TBC1D32: variants seen among roughly 807,000 people sequenced by gnomAD.
TBC1D32 encodes the protein TBC1 domain family member 32.
Under a neutral mutation model 170.3 loss-of-function variants are expected in TBC1D32, and 151 were observed. The ratio of observed to expected loss-of-function variants is 0.89; its 90% CI spans 0.78 to 1.01. The LOEUF (loss-of-function observed/expected upper bound fraction) is 1.01, where lower values mean the gene tolerates loss of function less well. TBC1D32 is among the 50% of genes least tolerant of loss of function. The probability of loss-of-function intolerance (pLI) is 0.00; values close to 1 mark genes in which losing one functional copy is unlikely to be tolerated. For missense variants in TBC1D32, 1,464 were observed against 1,457.1 expected (o/e 1.00, Z -0.08); for synonymous variants, 498 against 488.0 (o/e 1.02, Z -0.27).
rs1163308962 is a variant in TBC1D32, at chr6:121,283,864, G to C, written c.1419C>G (p.Ile473Met). The C allele has an allele frequency of 1.2e-6, 2 of 1,611,418 alleles. No individual in the cohort carries two copies. Among genetic ancestry groups the C allele is most frequent in the African/African-American group, 1.3e-5 (1 of 74,944 alleles). ...TCTTTGGACAACTTGGTGAGTAATAGATAAGTTGGGTAAAAAGAACAAGCA... is the reference window on the plus strand; with the variant it reads ...TCTTTGGACAACTTGGTGAGTAATACATAAGTTGGGTAAAAAGAACAAGCA... The part of the protein sequence containing the change: ...IDLLVLFTQL[I>M]YYSPSCPKMT... Residue 473 changes from isoleucine (I) to methionine (M), a missense_variant, in exon 13 of 32, where the codon ATC becomes ATG. Transcript: ENST00000398212.
intron 15 of TBC1D32, among the ~76,000 whole-genome samples, chr6:121,267,769 T>C (rs1800743740): frequency 6.6e-6 from 1 of 152,044 alleles, no homozygotes; most frequent in South Asian, 2.1e-4. Flanking sequence ...GAGTAGTGGT[T>C]CTCCCTCTCT....
At chr6:121,267,124 T>G (rs1800620491) in intron 15 of TBC1D32, among the ~76,000 whole-genome samples, 1 of 140,000 alleles carries the variant, frequency 7.1e-6, no homozygotes, top group Admixed American at 6.8e-5. Context: ...CAATGTGCTC[T>G]TCTAAAAAAA....
rs1024357697 is a variant in TBC1D32 at position 121,079,919 on chromosome 6, T to G, written c.*852A>C. Reference sequence around the variant, plus strand: ...TCATTTCAAACAAAGAATTATAAATTGATATGGGTATCAAAAGCAACTCCT... The same window carrying G: ...TCATTTCAAACAAAGAATTATAAATGGATATGGGTATCAAAAGCAACTCCT... On this transcript the variant is annotated 3_prime_UTR_variant, in exon 32 of 32. Coordinates refer to ENST00000398212, the MANE Select transcript of TBC1D32 (RefSeq NM_152730.6). 6.6e-6 allele frequency: 1 copy of G among 152,188 alleles called. No homozygotes were observed. Among genetic ancestry groups the G allele is most frequent in the Non-Finnish European group, 1.5e-5 (1 of 68,030 alleles). 9.4% of individuals were successfully genotyped at this position (152,188 alleles called of 1,614,324 possible).
chr6:121,098,289 T>C (rs1051107030), intron 30 of TBC1D32, among the ~76,000 whole-genome samples: 5 of 151,920 alleles, frequency 3.3e-5, no homozygotes, highest in Non-Finnish European at 7.4e-5. Flanking sequence ...AAAATAGGTA[T>C]GATTTATAAA....
intron 24 of TBC1D32, among the ~76,000 whole-genome samples, chr6:121,148,716 C>T: frequency 6.6e-6 from 1 of 152,080 alleles, no homozygotes; most frequent in East Asian, 1.9e-4. Flanking sequence ...CAGGTTGCAG[C>T]AATTCTCCTG....
At chr6:121,267,438 C>A (rs114127942) in intron 15 of TBC1D32, among the ~76,000 whole-genome samples, 2 of 152,260 alleles carry the variant, frequency 1.3e-5, no homozygotes, top group South Asian at 4.1e-4. Flanking sequence ...ACTTTTCCAA[C>A]GGTCTTAGCA....
At chr6:121,210,626 T>A (rs1202472618) in intron 21 of TBC1D32, among the ~76,000 whole-genome samples, 1 of 152,124 alleles carries the variant, frequency 6.6e-6, no homozygotes, top group Non-Finnish European at 1.5e-5. Flanking sequence ...GTGAAGGAAT[T>A]TTTGCAGATG....
chr6:121,127,446 T>C (rs1014300219), intron 25 of TBC1D32, among the ~76,000 whole-genome samples: 1 of 152,148 alleles, frequency 6.6e-6, no homozygotes, highest in Admixed American at 6.5e-5. Flanking sequence ...GTTGAATAAG[T>C]ATTAAAAGTA....
chr6:121,328,372 G>A (rs990750140), intron 1 of TBC1D32, among the ~76,000 whole-genome samples: 4 of 151,616 alleles, frequency 2.6e-5, no homozygotes, highest in Admixed American at 6.6e-5. Context: ...TGCAAGCTCC[G>A]CCTCCCAGGT....
intron 12 of TBC1D32, 142 bp from the exon 13 acceptor site, chr6:121,284,052 CAGAT>C (rs1464430123): frequency 4.7e-6 from 3 of 634,094 alleles, no homozygotes; most frequent in South Asian, 4.0e-5. Flanking sequence ...GCTATAATCT[CAGAT>C]AGAAGACTCC....
At chr6:121,084,667 T>C (rs1776002575) in intron 31 of TBC1D32, among the ~76,000 whole-genome samples, 1 of 152,154 alleles carries the variant, frequency 6.6e-6, no homozygotes. Flanking sequence ...CAGTTGATGT[T>C]TGCAAAAATA....
intron 21 of TBC1D32, among the ~76,000 whole-genome samples, chr6:121,210,607 A>C: frequency 6.6e-6 from 1 of 152,212 alleles, no homozygotes; most frequent in East Asian, 1.9e-4. Context: ...CACAAATGCA[A>C]GCACTGCTGT....
intron 9 of TBC1D32, among the ~76,000 whole-genome samples, chr6:121,301,569 G>A (rs11970026): frequency 0.049 from 7,498 of 152,030 alleles, 628 homozygotes; most frequent in African/African-American, 0.17. Context: ...GATAGCATTA[G>A]GAAAAATACC....
chr6:121,121,810 C>T (rs1780298748), intron 26 of TBC1D32, among the ~76,000 whole-genome samples: 3 of 151,690 alleles, frequency 2.0e-5, no homozygotes, highest in Admixed American at 2.0e-4. Flanking sequence ...CAAAAACAAC[C>T]CTAAAGAAAT....
chr6:121,215,967 T>C (rs1045875197), intron 21 of TBC1D32, among the ~76,000 whole-genome samples: 9 of 152,216 alleles, frequency 5.9e-5, no homozygotes, highest in Admixed American at 1.3e-4. Context: ...CAGCGATAAA[T>C]AGAACTACCA....
At position 121,080,372 on chromosome 6, in the gene TBC1D32, C is replaced by G. The variant is rs1354706700; in HGVS notation, c.*399G>C. ...AGCAGGGACTACAGGCGCATCACTG[C>G]ACCCAGCTAATTTCAGTATTGTTAG... is the stretch of plus-strand genomic sequence containing the variant. On this transcript the variant is annotated 3_prime_UTR_variant, in exon 32 of 32. Coordinates refer to ENST00000398212, the MANE Select transcript of TBC1D32 (RefSeq NM_152730.6). 8.5e-6 allele frequency: 3 copies of G among 350,926 alleles called. No homozygotes were observed. Among genetic ancestry groups the G allele is most frequent in the African/African-American group, 4.4e-5 (2 of 45,510 alleles). 21.7% of individuals were successfully genotyped at this position (350,926 alleles called of 1,614,324 possible).
At chr6:121,132,613 T>C (rs1745934476) in intron 24 of TBC1D32, among the ~76,000 whole-genome samples, 1 of 151,976 alleles carries the variant, frequency 6.6e-6, no homozygotes, top group African/African-American at 2.4e-5. Flanking sequence ...TAATCTGTTA[T>C]TTCAGTTTAA....
chr6:121,113,901 C>T (rs2128199189), intron 27 of TBC1D32, among the ~76,000 whole-genome samples: 1 of 152,204 alleles, frequency 6.6e-6, no homozygotes, highest in Non-Finnish European at 1.5e-5. Context: ...TTTAAAGAGA[C>T]TTGGTGGCTC....
intron 17 of TBC1D32, among the ~76,000 whole-genome samples, chr6:121,250,386 C>G (rs905297394): frequency 6.6e-6 from 1 of 152,102 alleles, no homozygotes; most frequent in African/African-American, 2.4e-5. Context: ...AGCTTATCCA[C>G]CATGATCAAG....
Sources: allele counts gnomAD v4.1 joint callset (sites outside exome capture counted in the v4.1 genomes callset), GRCh38; gene constraint gnomAD v4.1.1; transcripts MANE v1.5; gene names NCBI Gene and HGNC (gene_info 2026-07-23, HGNC 2026-07-21).